DNAH5: variants seen among roughly 807,000 people sequenced by gnomAD.
DNAH5 encodes axonemal beta dynein heavy chain 5.
In DNAH5, 372 loss-of-function variants were observed where a neutral mutation model predicts 518.2. The ratio of observed to expected loss-of-function variants is 0.72; its 90% confidence interval spans 0.66 to 0.78. The LOEUF is 0.78. Ranked by LOEUF, DNAH5 falls within the 30% of genes least tolerant of loss-of-function variation. DNAH5 has a pLI of 0.00. For missense variants in DNAH5, 5,523 were observed against 5,687.0 expected, an observed-to-expected ratio of 0.97 and a Z score of 0.93; for synonymous variants, 2,039 against 2,025.9, an observed-to-expected ratio of 1.01 and a Z score of -0.17.
intron 22 of DNAH5, among the ~76,000 whole-genome samples, chr5:13,874,163 T>G (rs977604247): frequency 8.5e-5 from 13 of 152,180 alleles, no homozygotes; most frequent in African/African-American, 2.7e-4. Flanking sequence ...ACCTGAAGTG[T>G]TGACATGCAG....
At position 13,823,344 on chromosome 5, in the gene DNAH5, C is replaced by G; in HGVS notation, c.6606G>C (p.Leu2202Phe). 6.2e-7 allele frequency: 1 copy of G among 1,613,626 alleles called. No individual in the cohort carries two copies. Among genetic ancestry groups the G allele is most frequent in the East Asian group, 2.2e-5 (1 of 44,876 alleles). The change falls in exon 40 of 79, where the codon TTG (leucine) becomes TTC (phenylalanine). Residue 2202 changes from leucine to phenylalanine, a missense_variant. Leu to Phe is a conservative substitution (Grantham distance 22). Coordinates refer to ENST00000265104, the MANE Select transcript of DNAH5 (RefSeq NM_001369.3). Reference sequence around the variant, plus strand: ...TTGGAAAGAGATCTTCAATCAAACTCAAAAACAAGGGTTCATCCTCATCAA... The same window carrying G: ...TTGGAAAGAGATCTTCAATCAAACTGAAAAACAAGGGTTCATCCTCATCAA... ...KLIDEDEPLF[L>F]SLIEDLFPNI...
chr5:13,845,079 A>G, intron 31 of DNAH5, 86 bp from the exon 32 acceptor site: 3 of 1,318,798 alleles, frequency 2.3e-6, no homozygotes, highest in Non-Finnish European at 2.1e-6. Flanking sequence ...GGAAAAGGGG[A>G]GAAGATTGTG....
At chr5:13,949,300 T>C (rs2152034500), upstream of DNAH5, among the ~76,000 whole-genome samples, 1 of 152,340 alleles carries the variant, frequency 6.6e-6, no homozygotes, top group Admixed American at 6.5e-5. Flanking sequence ...CAGTATCTTT[T>C]TCTTTATACA....
At chr5:13,843,585 C>T (rs967722668) in intron 32 of DNAH5, among the ~76,000 whole-genome samples, 1 of 152,126 alleles carries the variant, frequency 6.6e-6, no homozygotes, top group Non-Finnish European at 1.5e-5. Context: ...TGAGAGAATA[C>T]ATTTCTGTTG....
At chr5:13,895,589 A>G (rs1773812723) in intron 15 of DNAH5, among the ~76,000 whole-genome samples, 1 of 152,118 alleles carries the variant, frequency 6.6e-6, no homozygotes, top group Non-Finnish European at 1.5e-5. Context: ...CTTTGCTAGG[A>G]TTATAGGCCA....
At chr5:13,892,207 T>G (rs1773339364) in intron 16 of DNAH5, among the ~76,000 whole-genome samples, 1 of 152,244 alleles carries the variant, frequency 6.6e-6, no homozygotes, top group Admixed American at 6.5e-5. Flanking sequence ...CACTTTCACT[T>G]AAGTATGTGT....
At chr5:13,961,767 C>G (rs1581051643) in intron 1 of DNAH5, among the ~76,000 whole-genome samples, 3 of 152,324 alleles carry the variant, frequency 2.0e-5, no homozygotes, top group South Asian at 4.1e-4. Context: ...ATGCCTCCCC[C>G]ATTCCTCCTA....
chr5:14,007,948 G>A (rs909116874), intron 1 of DNAH5, among the ~76,000 whole-genome samples: 10 of 151,988 alleles, frequency 6.6e-5, no homozygotes, highest in Non-Finnish European at 1.0e-4. Context: ...CGAGGTGAGC[G>A]GATCACCTGA....
chr5:13,796,670 T>C (rs1459687497), intron 47 of DNAH5, among the ~76,000 whole-genome samples: 1 of 152,196 alleles, frequency 6.6e-6, no homozygotes, highest in African/African-American at 2.4e-5. Context: ...AAGCTACCAA[T>C]GACTTTCTTC....
chr5:13,723,079 T>C (rs30166), intron 70 of DNAH5, among the ~76,000 whole-genome samples: 64,455 of 152,046 alleles, frequency 0.42, 13,815 homozygotes, highest in Middle Eastern at 0.49. Context: ...AGGAGGTGAA[T>C]TTCAGTCCAG....
intron 1 of DNAH5, among the ~76,000 whole-genome samples, chr5:14,000,304 C>T (rs939326379): frequency 1.3e-5 from 2 of 152,156 alleles, no homozygotes; most frequent in Non-Finnish European, 2.9e-5. Flanking sequence ...CACCTGGGGC[C>T]GCCAGGAGCT....
In DNAH5 at chr5:13,839,312, G is replaced by C. The variant is rs200080299; in HGVS notation, c.5882+44C>G. 94 of 1,590,744 alleles carry C rather than the reference G, an allele frequency of 5.9e-5. No individual in the cohort carries two copies. The African/African-American group carries it at 1.2e-3, about 20-fold the overall frequency. On this transcript the variant is annotated intron_variant, in intron 35 of 78. Coordinates refer to ENST00000265104, the MANE Select transcript of DNAH5 (RefSeq NM_001369.3). Reference sequence around the variant, plus strand: ...TAAGCAAAAATCCCCTGAGCAACTCGAGAGAATAAAAATGGTGGGGGTTGG... The same window carrying C: ...TAAGCAAAAATCCCCTGAGCAACTCCAGAGAATAAAAATGGTGGGGGTTGG...
chr5:13,948,356 AAGCAATGAAGCCTAG>A (rs1414868073), upstream of DNAH5, among the ~76,000 whole-genome samples: 1 of 152,114 alleles, frequency 6.6e-6, no homozygotes. Context: ...AATTCTAAGA[AAGCAATGAAGCCTAG>A]TTTAATGGAC....
intron 1 of DNAH5, among the ~76,000 whole-genome samples, chr5:13,991,833 A>G (rs1783580147): frequency 6.6e-6 from 1 of 152,206 alleles, no homozygotes; most frequent in East Asian, 1.9e-4. Context: ...CCCTCAGCAC[A>G]GACTTTAGGC....
chr5:13,781,431 A>C (rs1403137347), intron 52 of DNAH5, among the ~76,000 whole-genome samples: 2 of 151,834 alleles, frequency 1.3e-5, no homozygotes, highest in Non-Finnish European at 2.9e-5. Context: ...GGGAAGAAAA[A>C]CCCCCAAAAT....
chr5:13,840,136 C>T (rs1285772388), intron 34 of DNAH5, among the ~76,000 whole-genome samples: 2 of 152,142 alleles, frequency 1.3e-5, no homozygotes, highest in African/African-American at 2.4e-5. Context: ...CCCTTTATTC[C>T]TCGGAAAGGT....
intron 1 of DNAH5, among the ~76,000 whole-genome samples, chr5:13,989,017 G>C (rs1204567539): frequency 6.6e-6 from 1 of 152,034 alleles, no homozygotes; most frequent in East Asian, 1.9e-4. Context: ...GTAAGCCACC[G>C]CACCTGGCCC....
rs1386157195 is a variant in DNAH5 at position 13,690,834 on chromosome 5, T to C, written c.*1150A>G. The C allele has an allele frequency of 6.6e-6, 1 of 152,224 alleles. No individual in the cohort carries two copies. Among genetic ancestry groups the C allele is most frequent in the Non-Finnish European group, 1.5e-5 (1 of 68,046 alleles). 9.4% of individuals were successfully genotyped at this position (152,224 alleles called of 1,614,324 possible). ...TAGAAAGTCCCTACGCACCGTCTAATATTTCTACCCTTTTTTTATTTTTTC... is the reference window on the plus strand; with the variant it reads ...TAGAAAGTCCCTACGCACCGTCTAACATTTCTACCCTTTTTTTATTTTTTC... On this transcript the variant is annotated 3_prime_UTR_variant, in exon 79 of 79. Transcript: ENST00000265104.
In DNAH5 at chr5:13,706,129, C is replaced by T. The variant is rs576461008; in HGVS notation, c.13338+1994G>A. ...AACACGGAAGCTCCTCAAGTGTCTA[C>T]CTTCCCAGGCCTACTCCTGGCAATT... On this transcript the variant is annotated intron_variant, in intron 76 of 78. Transcript: ENST00000265104. 4.0e-4 allele frequency among the ~76,000 whole-genome samples: 61 copies of T among 152,354 alleles called. No individual in the cohort carries two copies. The South Asian group carries it at 9.1e-3, about 23-fold the overall frequency.
Sources: allele counts gnomAD v4.1 joint callset (sites outside exome capture counted in the v4.1 genomes callset), GRCh38; gene constraint gnomAD v4.1.1; transcripts MANE v1.5; gene names NCBI Gene and HGNC (gene_info 2026-07-23, HGNC 2026-07-21).